The following RASGRF1 variants were observed in gnomAD, a reference collection of about 807,000 sequenced individuals.
The protein encoded by RASGRF1 is Ras protein specific guanine nucleotide releasing factor 1, also known as ras-specific guanine nucleotide-releasing factor 1.
A neutral mutation model predicts 138.7 loss-of-function variants in RASGRF1; 40 were observed. The ratio of observed to expected loss-of-function variants is 0.29; its 90% CI spans 0.22 to 0.38. The LOEUF (loss-of-function observed/expected upper bound fraction) is 0.38, where lower values mean the gene tolerates loss of function less well. Among genes scored for constraint, RASGRF1 ranks in the 10% least tolerant of loss-of-function variants. The pLI is 1.00. For missense variants in RASGRF1, 1,108 were observed against 1,650.4 expected (o/e 0.67, Z 5.69); for synonymous variants, 614 against 663.2 (o/e 0.93, Z 1.14).
chr15:79,004,853 A>C (rs551591126), intron 14 of RASGRF1: 1 of 984,966 alleles, frequency 1.0e-6, no homozygotes, highest in Non-Finnish European at 1.2e-6. Flanking sequence ...TTTAACCCTC[A>C]CTGTTGCCCC....
In RASGRF1 at chr15:79,064,414, A is replaced by G; in HGVS notation, c.383+6T>C. 6.2e-7 allele frequency: 1 copy of G among 1,612,740 alleles called. No homozygotes were observed. Among genetic ancestry groups the G allele is most frequent in the East Asian group, 2.2e-5 (1 of 44,874 alleles). On this transcript the variant is annotated splice_donor_region_variant and intron_variant, in intron 2 of 26. Coordinates refer to ENST00000558480, the MANE Select transcript of RASGRF1 (RefSeq NM_001145648.3). ...GGGGCTTCCTGCCCTGGGCAAGGAG[A>G]CATACCTGGCATGTGCAATGGCTGC...
chr15:79,038,318 A>G (rs919972208), intron 5 of RASGRF1, among the ~76,000 whole-genome samples: 1 of 152,190 alleles, frequency 6.6e-6, no homozygotes, highest in Non-Finnish European at 1.5e-5. Flanking sequence ...TTATATCCCA[A>G]TACTGCACAT....
chr15:79,052,018 G>T (rs760295922), intron 3 of RASGRF1, among the ~76,000 whole-genome samples: 15 of 152,162 alleles, frequency 9.9e-5, no homozygotes, highest in Non-Finnish European at 1.0e-4. Context: ...GTTACATCCT[G>T]CCCCTACTTA....
At chr15:79,005,002 G>A (rs1328274618) in intron 14 of RASGRF1, 3 of 985,448 alleles carry the variant, frequency 3.0e-6, no homozygotes, top group Non-Finnish European at 2.4e-6. Flanking sequence ...TGTTCTGCAG[G>A]GCACTGCTGC....
At chr15:78,969,605 G>A (rs2055710816) in intron 26 of RASGRF1, among the ~76,000 whole-genome samples, 1 of 152,060 alleles carries the variant, frequency 6.6e-6, no homozygotes, top group South Asian at 2.1e-4. Context: ...GGAGGCAGAG[G>A]TTGCAGTGAA....
intron 1 of RASGRF1, among the ~76,000 whole-genome samples, chr15:79,083,047 C>G (rs1290965947): frequency 6.6e-6 from 1 of 152,186 alleles, no homozygotes; most frequent in Admixed American, 6.5e-5. Flanking sequence ...ACTCAGAGAA[C>G]TTAAAAGCCT....
intron 3 of RASGRF1, among the ~76,000 whole-genome samples, chr15:79,052,074 C>T (rs11072824): frequency 0.54 from 81,721 of 151,910 alleles, 23,136 homozygotes; most frequent in East Asian, 0.81. Context: ...ACCTCTGGCT[C>T]ACACCCTGAC....
At chr15:78,967,080 A>C (rs772737391) in intron 26 of RASGRF1, among the ~76,000 whole-genome samples, 1 of 152,122 alleles carries the variant, frequency 6.6e-6, no homozygotes, top group Non-Finnish European at 1.5e-5. Flanking sequence ...AGACGACAGG[A>C]TCACTTGAGC....
intron 1 of RASGRF1, among the ~76,000 whole-genome samples, chr15:79,069,708 G>A (rs533588230): frequency 1.3e-5 from 2 of 152,272 alleles, no homozygotes; most frequent in East Asian, 1.9e-4. Context: ...AAAGATTTGG[G>A]GGAAACGGGG....
At chr15:78,979,149 C>T in intron 24 of RASGRF1, 1 of 1,289,456 alleles carries the variant, frequency 7.8e-7, no homozygotes, top group South Asian at 1.2e-5. Flanking sequence ...CACAGGGGCT[C>T]TCGGGAGCCC....
Position 78,998,164 on chromosome 15 carries a change from G to A in RASGRF1, c.2898C>T (p.Phe966=). 2.5e-6 allele frequency: 4 copies of A among 1,614,146 alleles called. No individual in the cohort carries two copies. The highest frequency in any genetic ancestry group is 3.4e-6 in the Non-Finnish European group (4 of 1,180,002). ...CCGGGTCGTGCATGACTTCTTCCAG[G>A]AAGCCGATCACCTTGCATTTGAGCT... ...NDELKCKVIG[F]LEEVMHDPEL... Residue 966 remains phenylalanine (F), a synonymous_variant, in exon 19 of 27, where the codon TTC becomes TTT. Coordinates refer to ENST00000558480, the MANE Select transcript of RASGRF1 (RefSeq NM_001145648.3).
chr15:79,061,866 A>G (rs571575407), intron 2 of RASGRF1, among the ~76,000 whole-genome samples: 4 of 152,364 alleles, frequency 2.6e-5, no homozygotes, highest in South Asian at 2.1e-4. Flanking sequence ...GCTAAGGGAT[A>G]TCTGCATATG....
At chr15:78,994,119 G>T (rs1019693376) in intron 20 of RASGRF1, among the ~76,000 whole-genome samples, 1 of 152,218 alleles carries the variant, frequency 6.6e-6, no homozygotes, top group African/African-American at 2.4e-5. Context: ...GCCCCTGTTG[G>T]GAAACAGGAG....
intron 10 of RASGRF1, among the ~76,000 whole-genome samples, chr15:79,023,475 T>G (rs78316304): frequency 0.2 from 30,243 of 152,068 alleles, 3,377 homozygotes; most frequent in Middle Eastern, 0.29. Context: ...AGACAAGTAG[T>G]GGGCTGTGTC....
rs148776356 is a variant in RASGRF1, at chr15:79,003,873, G to A, written c.2378C>T (p.Thr793Ile). 471 of 1,614,048 alleles carry A rather than the reference G, an allele frequency of 2.9e-4. No individual in the cohort carries two copies. The highest frequency in any genetic ancestry group is 3.8e-4 in the Non-Finnish European group (447 of 1,180,012). The change falls in exon 15 of 27, where the codon ACC becomes ATC. Residue 793 changes from threonine to isoleucine, a missense_variant. Physicochemically the swap from Thr to Ile is moderately conservative, Grantham distance 89 (BLOSUM62 -1). This residue lies in a region of RASGRF1 where 686 missense variants were observed against 976.7 expected (regional missense o/e 0.70). Coordinates refer to ENST00000558480, the MANE Select transcript of RASGRF1 (RefSeq NM_001145648.3). ...ATCGCCCTCATCTGGAATCTTGTTG[G>A]TGAAGCTGCTGGACACATAGAGCTT... ...TSKLYVSSSF[T>I]NKIPDEGDTT...
intron 24 of RASGRF1, among the ~76,000 whole-genome samples, chr15:78,976,376 G>A (rs888477596): frequency 5.9e-5 from 9 of 152,108 alleles, no homozygotes; most frequent in African/African-American, 1.9e-4. Flanking sequence ...ACACACTAAC[G>A]ATAGCTAATA....
At chr15:79,089,616 G>T (rs964053135) in intron 1 of RASGRF1, among the ~76,000 whole-genome samples, 1 of 152,336 alleles carries the variant, frequency 6.6e-6, no homozygotes. Context: ...TTGTTGCTCC[G>T]GCGGCCGCCA....
chr15:78,965,117 T>A (rs958846833), intron 26 of RASGRF1, among the ~76,000 whole-genome samples: 9 of 152,130 alleles, frequency 5.9e-5, no homozygotes, highest in African/African-American at 1.7e-4. Flanking sequence ...AAATCATAAA[T>A]CCCTAGGAGA....
rs746188132 is a variant in RASGRF1 at position 78,990,284 on chromosome 15, T to C, written c.3132-11A>G. The C allele has an allele frequency of 1.1e-5, 18 of 1,565,828 alleles. No homozygotes were observed. The highest frequency in any genetic ancestry group is 6.7e-5 in the East Asian group (3 of 44,664). On this transcript the variant is annotated splice_polypyrimidine_tract_variant and intron_variant, in intron 21 of 26. Coordinates refer to ENST00000558480, the MANE Select transcript of RASGRF1 (RefSeq NM_001145648.3). ...TGTCCGAAGAACTCCCTGTAGGAAG[T>C]AAGGGGAGACCCAGGTGGAGGGGGT...
Sources: allele counts gnomAD v4.1 joint callset (sites outside exome capture counted in the v4.1 genomes callset), GRCh38; gene constraint gnomAD v4.1.1; regional missense constraint gnomAD v4.1.1; transcripts MANE v1.5; gene names NCBI Gene and HGNC (gene_info 2026-07-23, HGNC 2026-07-21).